Variants in PEAK1 observed in about 807,000 individuals in gnomAD.
The protein encoded by PEAK1 is pseudopodium enriched atypical kinase 1.
Under a neutral mutation model 124.7 loss-of-function variants are expected in PEAK1, and 54 were observed. The observed-to-expected ratio is 0.43, with a 90% confidence interval of 0.35 to 0.54. The LOEUF (loss-of-function observed/expected upper bound fraction) is 0.54. Ranked by LOEUF, PEAK1 falls within the 20% of genes least tolerant of loss-of-function variation. The probability of loss-of-function intolerance (pLI) is 0.01; values close to 1 mark genes in which losing one functional copy is unlikely to be tolerated. For synonymous variants in PEAK1, 719 were observed against 760.0 expected (o/e 0.95, Z 0.89); for missense variants, 2,046 against 2,134.5 (o/e 0.96, Z 0.82).
Position 77,178,808 on chromosome 15 carries a change from A to G in PEAK1, c.3119T>C (p.Ile1040Thr). 6.2e-7 allele frequency: 1 copy of G among 1,612,892 alleles called. No homozygotes were observed. The highest frequency in any genetic ancestry group is 8.5e-7 in the Non-Finnish European group (1 of 1,179,374). Residue 1040 changes from isoleucine (I) to threonine (T), a missense_variant, in exon 7 of 10, where the codon ATT becomes ACT. Physicochemically the swap from Ile to Thr is moderately conservative, Grantham distance 89. Transcript: ENST00000682557. Reference sequence around the variant, plus strand: ...TACATACCTGAGAATCTTTTTAGGAATCTGTGATGGAGAAGAATGACTCCT... The same window carrying G: ...TACATACCTGAGAATCTTTTTAGGAGTCTGTGATGGAGAAGAATGACTCCT... ...KKRSHSSPSQ[I>T]PKKILSHMTH...
In PEAK1 at chr15:77,146,039, T is replaced by C. The variant is rs544110866; in HGVS notation, c.3332-12289A>G. On this transcript the variant is annotated intron_variant, in intron 8 of 9. Transcript: ENST00000682557. ...TCTCCCCAGGGCTCAAAACAAGTAA[T>C]ACAGATGAGAAAGAGAAGGGAGAAC... 9.7e-4 allele frequency among the ~76,000 whole-genome samples: 148 copies of C among 152,202 alleles called. 1 individual carries two copies. The highest frequency in any genetic ancestry group is 3.5e-3 in the African/African-American group (144 of 41,528).
intron 2 of PEAK1, chr15:77,349,406 A>T: frequency 1.0e-6 from 1 of 978,960 alleles, no homozygotes; most frequent in Non-Finnish European, 1.2e-6. Flanking sequence ...TATTTAAGAG[A>T]GTCAATCAGT....
At chr15:77,184,240 A>G (rs546062459) in intron 6 of PEAK1, among the ~76,000 whole-genome samples, 2 of 152,104 alleles carry the variant, frequency 1.3e-5, no homozygotes, top group African/African-American at 4.8e-5. Context: ...AATTAGCCAC[A>G]TGGAAGTGCA....
At chr15:77,243,912 G>A (rs1055182495) in intron 6 of PEAK1, among the ~76,000 whole-genome samples, 3 of 151,932 alleles carry the variant, frequency 2.0e-5, no homozygotes, top group Non-Finnish European at 4.4e-5. Flanking sequence ...AGGTTGCGGT[G>A]AGCTGAGATC....
chr15:77,158,459 A>G, intron 8 of PEAK1, 44 bp downstream of exon 8: 1 of 1,565,146 alleles, frequency 6.4e-7, no homozygotes, highest in Non-Finnish European at 8.8e-7. Context: ...CTAGTACAGA[A>G]AAAGGCAAAG....
At chr15:77,418,410 T>A (rs1595897582) in intron 1 of PEAK1, 1 of 985,398 alleles carries the variant, frequency 1.0e-6, no homozygotes, top group Non-Finnish European at 1.2e-6. Context: ...AATATTTCCC[T>A]TTCCCCCCCG....
intron 2 of PEAK1, chr15:77,349,988 T>C (rs763294478): frequency 3.0e-6 from 3 of 984,748 alleles, no homozygotes; most frequent in Non-Finnish European, 3.6e-6. Context: ...TCAAGCATTA[T>C]AGGAAGATTT....
chr15:77,285,553 TG>T (rs1483845563), intron 3 of PEAK1, among the ~76,000 whole-genome samples: 5 of 152,224 alleles, frequency 3.3e-5, no homozygotes, highest in Non-Finnish European at 5.9e-5. Flanking sequence ...TCAGCAGATA[TG>T]AGTCTGAATC....
chr15:77,407,430 A>G (rs759837835), intron 1 of PEAK1, among the ~76,000 whole-genome samples: 1 of 152,206 alleles, frequency 6.6e-6, no homozygotes, highest in Non-Finnish European at 1.5e-5. Context: ...GCAAGAAAAA[A>G]AACAATCCAT....
intron 6 of PEAK1, among the ~76,000 whole-genome samples, chr15:77,184,568 G>T (rs1567087480): frequency 6.6e-6 from 1 of 152,220 alleles, no homozygotes; most frequent in Non-Finnish European, 1.5e-5. Context: ...GGTGGCAGTG[G>T]TTACATAACT....
intron 6 of PEAK1, among the ~76,000 whole-genome samples, chr15:77,238,668 C>T (rs1429715124): frequency 6.6e-6 from 1 of 152,024 alleles, no homozygotes; most frequent in African/African-American, 2.4e-5. Flanking sequence ...TAGCATGAGT[C>T]GGGGGAGAAA....
intron 5 of PEAK1, among the ~76,000 whole-genome samples, chr15:77,273,314 G>A (rs552733510): frequency 6.6e-6 from 1 of 152,226 alleles, no homozygotes; most frequent in South Asian, 2.1e-4. Context: ...CTGGCAAAGA[G>A]GAAGTCAAAC....
intron 5 of PEAK1, among the ~76,000 whole-genome samples, chr15:77,258,774 T>C (rs1467373759): frequency 2.6e-5 from 4 of 151,940 alleles, no homozygotes; most frequent in African/African-American, 9.7e-5. Flanking sequence ...TGAATAGGAG[T>C]GGTGAGAGAG....
chr15:77,393,454 T>C (rs1036448257), intron 1 of PEAK1, among the ~76,000 whole-genome samples: 4 of 152,148 alleles, frequency 2.6e-5, no homozygotes, highest in Non-Finnish European at 4.4e-5. Context: ...TCAACCACAG[T>C]AGGACAGGCC....
chr15:77,388,268 T>G (rs866988720), intron 1 of PEAK1, among the ~76,000 whole-genome samples: 2 of 152,206 alleles, frequency 1.3e-5, no homozygotes, highest in African/African-American at 4.8e-5. Flanking sequence ...CTTGAGCCTC[T>G]TGTAGAAGTT....
intron 6 of PEAK1, among the ~76,000 whole-genome samples, chr15:77,226,044 GATAT>G (rs1157824212): frequency 0.042 from 1,899 of 44,732 alleles, 42 homozygotes; most frequent in East Asian, 0.17. Context: ...AAAATAAAGG[GATAT>G]ATATATATAT....
intron 6 of PEAK1, among the ~76,000 whole-genome samples, chr15:77,239,594 A>G (rs749279379): frequency 2.0e-5 from 3 of 152,238 alleles, no homozygotes; most frequent in Non-Finnish European, 4.4e-5. Flanking sequence ...AATGCTATGT[A>G]TAAGTAAGTA....
At chr15:77,407,932 C>CATATAT (rs2071988439) in intron 1 of PEAK1, among the ~76,000 whole-genome samples, 1 of 137,962 alleles carries the variant, frequency 7.2e-6, no homozygotes, top group South Asian at 2.3e-4. Flanking sequence ...TACATATATA[C>CATATAT]ACACATATAT....
chr15:77,384,350 T>C (rs2069740854), intron 1 of PEAK1, among the ~76,000 whole-genome samples: 1 of 152,238 alleles, frequency 6.6e-6, no homozygotes, highest in Non-Finnish European at 1.5e-5. Flanking sequence ...CTTCAGTCAG[T>C]ATGTCAGTTA....
Sources: allele counts gnomAD v4.1 joint callset (sites outside exome capture counted in the v4.1 genomes callset), GRCh38; gene constraint gnomAD v4.1.1; transcripts MANE v1.5; gene names NCBI Gene and HGNC (gene_info 2026-07-23, HGNC 2026-07-21).